CRAMP1: variants seen among roughly 807,000 people sequenced by gnomAD.
CRAMP1 encodes the protein protein cramped-like.
A neutral mutation model predicts 115.4 loss-of-function variants in CRAMP1; 50 were observed. That is an observed-to-expected ratio of 0.43 (90% CI 0.35 to 0.55). The LOEUF is 0.55. Ranked by LOEUF, CRAMP1 falls within the 20% of genes least tolerant of loss-of-function variation. The pLI, the probability that CRAMP1 is intolerant of heterozygous loss-of-function variation, is 0.01. For missense variants in CRAMP1, 1,679 were observed against 1,721.7 expected (o/e 0.98, Z 0.44); for synonymous variants, 866 against 745.4 (o/e 1.16, Z -2.64).
Position 1,655,091 on chromosome 16 carries a change from C to A in CRAMP1, c.1038-128C>A, listed in dbSNP as rs1295879073. On this transcript the variant is annotated intron_variant, in intron 8 of 20. Transcript: ENST00000397412. ...GCCAAGGGCCCTGCAGACGCCCGCT[C>A]CCGGGTGCCTCTCCAGAGGTCCCTT... 4 of 749,232 alleles carry A rather than the reference C, an allele frequency of 5.3e-6. No homozygotes were observed. In the Admixed American group the frequency reaches 6.8e-5, roughly 13 times the overall value. The allele number at this position is 749,232 out of a possible 1,614,324, so 46.4% of individuals were successfully genotyped here. A position where few individuals can be genotyped will look rare whatever the true frequency, so the allele number is the denominator to read the frequency against.
chr16:1,669,223 G>A lies in CRAMP1; in HGVS notation c.3499+58G>A. On this transcript the variant is annotated intron_variant, in intron 19 of 20. Coordinates refer to ENST00000397412, the MANE Select transcript of CRAMP1 (RefSeq NM_020825.4). The surrounding 1 kb of genome is among the most constrained non-coding windows in gnomAD (Gnocchi z 4.6). ...TCCAGGGCAGCAGGGGCTGGGGTCT[G>A]CGGGACACTGGATTCTCATTCTACT... 7.5e-7 allele frequency: 1 copy of A among 1,336,518 alleles called. No individual in the cohort carries two copies. 82.8% of individuals were successfully genotyped at this position (1,336,518 alleles called of 1,614,324 possible).
chr16:1,655,163 G>C (rs1168833660), intron 8 of CRAMP1, 56 bp from the exon 9 acceptor site: 3 of 1,474,382 alleles, frequency 2.0e-6, no homozygotes, highest in African/African-American at 2.8e-5. Flanking sequence ...GGACTCTTCA[G>C]ATGGTTTCCT....
Position 1,614,684 on chromosome 16 carries a change from C to G in CRAMP1, c.45C>G (p.Leu15=), listed in dbSNP as rs754351402. 1 of 1,321,156 alleles carries G rather than the reference C, an allele frequency of 7.6e-7. No individual in the cohort carries two copies. The highest frequency in any genetic ancestry group is 1.5e-5 in the African/African-American group (1 of 65,046). 81.8% of individuals were successfully genotyped at this position (1,321,156 alleles called of 1,614,324 possible). A position where few individuals can be genotyped will look rare whatever the true frequency, so the allele number is the denominator to read the frequency against. The part of the protein sequence containing the change: ...LGDGGSGEDG[L]KKLGKRAADE... ...ACGGCGGCAGCGGGGAGGACGGGCTCAAGAAGCTGGGCAAGCGGGCGGCCG... is the reference window on the plus strand; with the variant it reads ...ACGGCGGCAGCGGGGAGGACGGGCTGAAGAAGCTGGGCAAGCGGGCGGCCG... The change falls in exon 2 of 21, where the codon CTC becomes CTG. Residue 15 remains leucine, a synonymous_variant. Transcript: ENST00000397412. The surrounding 1 kb of genome is among the most constrained non-coding windows in gnomAD (Gnocchi z 4.4).
At chr16:1,654,885 C>T (rs2036756382) in intron 8 of CRAMP1, among the ~76,000 whole-genome samples, 1 of 152,254 alleles carries the variant, frequency 6.6e-6, no homozygotes, top group South Asian at 2.1e-4. Flanking sequence ...CCAGGCCCGC[C>T]CGCCCTTGAA....
chr16:1,651,384 TGA>T (rs1221285871), intron 6 of CRAMP1, among the ~76,000 whole-genome samples: 3 of 144,116 alleles, frequency 2.1e-5, no homozygotes, highest in African/African-American at 5.2e-5. Flanking sequence ...AAAGGTGGAC[TGA>T]GAGGTCACGG....
intron 3 of CRAMP1, among the ~76,000 whole-genome samples, chr16:1,626,775 G>A (rs921705615): frequency 6.6e-6 from 1 of 152,104 alleles, no homozygotes; most frequent in Non-Finnish European, 1.5e-5. Context: ...CATTTTTCAC[G>A]GTGTTTCATA....
Position 1,625,091 on chromosome 16 carries a change from G to A in CRAMP1, c.347-882G>A, listed in dbSNP as rs147225761. 1.1e-4 allele frequency among the ~76,000 whole-genome samples: 17 copies of A among 152,254 alleles called. No homozygotes were observed. The East Asian group carries it at 3.3e-3, about 29-fold the overall frequency. ...AGGTTTCCCAGCTTTTTATGGTCCT[G>A]CAGTTCCATAAAAAGAGAACCCTGG... On this transcript the variant is annotated intron_variant, in intron 2 of 20. Transcript: ENST00000397412.
At chr16:1,661,024 CAA>C (rs1388505046) in intron 11 of CRAMP1, among the ~76,000 whole-genome samples, 1 of 150,838 alleles carries the variant, frequency 6.6e-6, no homozygotes, top group Non-Finnish European at 1.5e-5. Flanking sequence ...CAAAAAAAAA[CAA>C]TGAGTTTTCA....
In CRAMP1 at chr16:1,671,758, G is replaced by GT. The variant is rs1208734232; in HGVS notation, c.3645+952dup. 2.0e-5 allele frequency among the ~76,000 whole-genome samples: 3 copies of GT among 152,208 alleles called. No homozygotes were observed. The highest frequency in any genetic ancestry group is 4.4e-5 in the Non-Finnish European group (3 of 68,038). ...GGATCCAAAAAAGCTCAAAACAGCTGTTTCTCACGGACACCTCCGCTACCC... is the reference window on the plus strand; with the variant it reads ...GGATCCAAAAAAGCTCAAAACAGCTGTTTTCTCACGGACACCTCCGCTACCC... On this transcript the variant is annotated intron_variant, in intron 20 of 20. Transcript: ENST00000397412. This position sits in a 1 kb window ranked among gnomAD's most constrained non-coding sequence, Gnocchi z 5.0.
intron 17 of CRAMP1, 96 bp from the exon 18 acceptor site, chr16:1,667,865 AT>A (rs2036889350): frequency 6.7e-6 from 5 of 741,782 alleles, no homozygotes; most frequent in Admixed American, 2.3e-5. Context: ...CACCCTATTG[AT>A]TTGCCTGCAA....
chr16:1,646,989 C>G (rs2036680601), intron 6 of CRAMP1: 1 of 702,050 alleles, frequency 1.4e-6, no homozygotes, highest in Admixed American at 2.0e-5. Flanking sequence ...TCTGTTCTGT[C>G]AACTTTTGTG....
intron 4 of CRAMP1, among the ~76,000 whole-genome samples, chr16:1,634,946 T>C (rs2142180645): frequency 6.6e-6 from 1 of 152,350 alleles, no homozygotes; most frequent in Non-Finnish European, 1.5e-5. Context: ...TTGCCCAGGC[T>C]AGAGTGCCAT....
At chr16:1,664,489 G>A (rs1403342450) in intron 13 of CRAMP1, among the ~76,000 whole-genome samples, 1 of 152,166 alleles carries the variant, frequency 6.6e-6, no homozygotes, top group Non-Finnish European at 1.5e-5. Flanking sequence ...TGGATTAAAA[G>A]TGGATCAGGC....
intron 11 of CRAMP1, among the ~76,000 whole-genome samples, chr16:1,661,214 C>T (rs920720845): frequency 3.3e-5 from 5 of 152,206 alleles, no homozygotes; most frequent in Admixed American, 1.3e-4. Flanking sequence ...CCCAGCTACT[C>T]GGGAGGCTGA....
chr16:1,633,063 A>G (rs1447848547), intron 4 of CRAMP1, among the ~76,000 whole-genome samples: 1 of 152,190 alleles, frequency 6.6e-6, no homozygotes, highest in Non-Finnish European at 1.5e-5. Context: ...ATGTACCCCC[A>G]GAGCACCCCT....
chr16:1,613,504 T>C lies in CRAMP1; in HGVS notation c.-2+847T>C, dbSNP rs146473165. Among the ~76,000 whole-genome samples the C allele has an allele frequency of 4.0e-3, 610 of 152,330 alleles. 1 individual carries two copies. The highest frequency in any genetic ancestry group is 0.014 in the African/African-American group (569 of 41,564). On this transcript the variant is annotated intron_variant, in intron 1 of 20. Transcript: ENST00000397412. ...AGTTGAACGCAGGGTCAGTATCTGC[T>C]GAGGAATCTAATCTTCAGCGTTTTT...
chr16:1,645,895 T>TA (rs34888975), intron 6 of CRAMP1, among the ~76,000 whole-genome samples: 18,353 of 152,144 alleles, frequency 0.12, 1,511 homozygotes, highest in African/African-American at 0.23. Flanking sequence ...ACTGTCAAGA[T>TA]ATGGAACGCT....
intron 2 of CRAMP1, among the ~76,000 whole-genome samples, chr16:1,623,002 C>T (rs1183683906): frequency 6.6e-6 from 1 of 152,024 alleles, no homozygotes; most frequent in Non-Finnish European, 1.5e-5. Flanking sequence ...CTCAAGAGAT[C>T]CGCCTGCCTC....
At chr16:1,630,584 G>T (rs2036541317) in intron 3 of CRAMP1, among the ~76,000 whole-genome samples, 1 of 152,176 alleles carries the variant, frequency 6.6e-6, no homozygotes. Flanking sequence ...ACATGGCCCT[G>T]CCTGCTCATT....
Sources: allele counts gnomAD v4.1 joint callset (sites outside exome capture counted in the v4.1 genomes callset), GRCh38; gene constraint gnomAD v4.1.1; non-coding constraint Gnocchi (gnomAD v3.1); transcripts MANE v1.5; gene names NCBI Gene and HGNC (gene_info 2026-07-23, HGNC 2026-07-21).